PPIL3: variants seen among roughly 807,000 people sequenced by gnomAD.
PPIL3 encodes peptidyl-prolyl cis-trans isomerase-like 3.
PPIL3 carries 13 observed loss-of-function variants against 20.9 expected under a neutral mutation model. The observed-to-expected ratio is 0.62, with a 90% CI of 0.40 to 0.99. The LOEUF (loss-of-function observed/expected upper bound fraction) is 0.99, where lower values mean the gene tolerates loss of function less well. Among genes scored for constraint, PPIL3 ranks in the 50% least tolerant of loss-of-function variants. The pLI is 0.00. For synonymous variants in PPIL3, 71 were observed against 64.4 expected, an observed-to-expected ratio of 1.10 and a Z score of -0.49; for missense variants, 170 against 195.2, an observed-to-expected ratio of 0.87 and a Z score of 0.77.
rs1305978066 is a variant in PPIL3 at position 200,870,945 on chromosome 2, C to T, written c.*450G>A. ...GAAGTTCATTTACGTTTCATATATA[C>T]CTTATACACATAGCCTGAAGGTAAT... is the stretch of plus-strand genomic sequence containing the variant. On this transcript the variant is annotated 3_prime_UTR_variant, in exon 7 of 7. Coordinates refer to ENST00000392283, the MANE Select transcript of PPIL3 (RefSeq NM_130906.3). 6.5e-6 allele frequency: 1 copy of T among 154,462 alleles called. No homozygotes were observed. Among genetic ancestry groups the T allele is most frequent in the Non-Finnish European group, 1.4e-5 (1 of 69,576 alleles). The allele number at this position is 154,462 out of a possible 1,614,324, so 9.6% of individuals were successfully genotyped here.
chr2:200,885,320 G>A (rs1007057028), intron 3 of PPIL3: 8 of 353,272 alleles, frequency 2.3e-5, no homozygotes, highest in South Asian at 1.5e-4. Flanking sequence ...GCAGTGAGCC[G>A]AGATCGCGCC....
intron 4 of PPIL3, 83 bp from the exon 5 acceptor site, chr2:200,881,571 T>C: frequency 8.4e-7 from 1 of 1,197,142 alleles, no homozygotes; most frequent in South Asian, 1.3e-5. Context: ...AGGAATACTT[T>C]ATAGTTTGAC....
chr2:200,887,816 G>A (rs551502210), intron 1 of PPIL3, 131 bp from the exon 2 acceptor site: 2 of 389,332 alleles, frequency 5.1e-6, no homozygotes, highest in Non-Finnish European at 9.2e-6. Context: ...TAACACTTTG[G>A]GAGGCCGAGG....
intron 6 of PPIL3, among the ~76,000 whole-genome samples, chr2:200,876,245 G>C (rs1466504731): frequency 1.3e-5 from 2 of 151,526 alleles, no homozygotes; most frequent in Non-Finnish European, 1.5e-5. Flanking sequence ...AGGAGGTTGA[G>C]GCTGCAATGA....
At chr2:200,882,706 G>A (rs1447968892) in intron 3 of PPIL3, among the ~76,000 whole-genome samples, 1 of 151,836 alleles carries the variant, frequency 6.6e-6, no homozygotes, top group Non-Finnish European at 1.5e-5. Context: ...TCAGAAGATC[G>A]AGACCATCCT....
At chr2:200,886,261 C>G (rs751392167) in intron 2 of PPIL3, among the ~76,000 whole-genome samples, 9 of 152,056 alleles carry the variant, frequency 5.9e-5, no homozygotes, top group Non-Finnish European at 8.8e-5. Context: ...AAAAATATAA[C>G]AAGTGTCAGT....
intron 6 of PPIL3, among the ~76,000 whole-genome samples, chr2:200,876,168 C>A (rs1322240705): frequency 6.8e-6 from 1 of 147,176 alleles, no homozygotes; most frequent in Non-Finnish European, 1.5e-5. Flanking sequence ...AAAGTAGCTG[C>A]GCATGATGGT....
intron 5 of PPIL3, among the ~76,000 whole-genome samples, chr2:200,878,725 T>G (rs139592397): frequency 2.0e-5 from 3 of 152,138 alleles, no homozygotes; most frequent in Admixed American, 6.5e-5. Context: ...AAACAACACA[T>G]TCTTTCCTTT....
chr2:200,871,462 G>A lies in PPIL3; in HGVS notation c.419C>T (p.Thr140Ile). ...ELEKLPVNEK[T>I]YRPLNDVHIK... ...GTGTACATCATTAAGAGGTCGGTAT[G>A]TCTTCTCATTTACTGGCAACTTCTC... is the stretch of plus-strand genomic sequence containing the variant. The change falls in exon 7 of 7, where the codon ACA becomes ATA. Residue 140 changes from threonine (T) to isoleucine (I), a missense_variant. Physicochemically the swap from Thr to Ile is moderately conservative, Grantham distance 89 (BLOSUM62 -1). Transcript: ENST00000392283. 1.2e-6 allele frequency: 2 copies of A among 1,610,614 alleles called. No individual in the cohort carries two copies. Among genetic ancestry groups the A allele is most frequent in the Non-Finnish European group, 1.7e-6 (2 of 1,176,922 alleles).
At chr2:200,871,759 AC>A (rs1242465281) in intron 6 of PPIL3, among the ~76,000 whole-genome samples, 1 of 152,186 alleles carries the variant, frequency 6.6e-6, no homozygotes, top group African/African-American at 2.4e-5. Context: ...CCACCATAGT[AC>A]CTAAAATTAT....
chr2:200,871,461 T>C lies in PPIL3; in HGVS notation c.420A>G (p.Thr140=), dbSNP rs754823212. Residue 140 remains threonine, a synonymous_variant, in exon 7 of 7, where the codon ACA becomes ACG. Coordinates refer to ENST00000392283, the MANE Select transcript of PPIL3 (RefSeq NM_130906.3). ...ELEKLPVNEK[T]YRPLNDVHIK... is the part of the protein sequence containing the mutation. ...TGTGTACATCATTAAGAGGTCGGTA[T>C]GTCTTCTCATTTACTGGCAACTTCT... 1.2e-6 allele frequency: 2 copies of C among 1,610,752 alleles called. No homozygotes were observed. Among genetic ancestry groups the C allele is most frequent in the Non-Finnish European group, 1.7e-6 (2 of 1,176,996 alleles).
intron 6 of PPIL3, among the ~76,000 whole-genome samples, chr2:200,874,724 C>A (rs993443622): frequency 6.6e-6 from 1 of 152,136 alleles, no homozygotes; most frequent in African/African-American, 2.4e-5. Flanking sequence ...TGTAATATTT[C>A]TTTTCTCCTT....
chr2:200,876,921 T>A lies in PPIL3; in HGVS notation c.357A>T (p.Gly119=). 1 of 1,589,566 alleles carries A rather than the reference T, an allele frequency of 6.3e-7. No individual in the cohort carries two copies. The highest frequency in any genetic ancestry group is 8.6e-7 in the Non-Finnish European group (1 of 1,157,796). ...AAAACCATAACCAGAATACTCACTTTCCAAATACGGTGTATTTCATGTCCA... is the reference window on the plus strand; with the variant it reads ...AAAACCATAACCAGAATACTCACTTACCAAATACGGTGTATTTCATGTCCA... ...PHLDMKYTVF[G]KVIDGLETLD... is the part of the protein sequence containing the mutation. Residue 119 remains glycine (G), a splice_region_variant and synonymous_variant, in exon 6 of 7, where the codon GGA becomes GGT. Coordinates refer to ENST00000392283, the MANE Select transcript of PPIL3 (RefSeq NM_130906.3).
Position 200,885,716 on chromosome 2 carries a change from C to T in PPIL3, c.60G>A (p.Arg20=). The change falls in exon 3 of 7, where the codon AGG becomes AGA. Residue 20 remains arginine (R), a synonymous_variant. Coordinates refer to ENST00000392283, the MANE Select transcript of PPIL3 (RefSeq NM_130906.3). ...GDIKIEVFCE[R]TPKTCENFLA... is the part of the protein sequence containing the mutation. Reference sequence around the variant, plus strand: ...TACTTACCTCACATGTTTTGGGTGTCCTCTCACAGAAGACTTCAATTTTAA... The same window carrying T: ...TACTTACCTCACATGTTTTGGGTGTTCTCTCACAGAAGACTTCAATTTTAA... 2 of 1,580,700 alleles carry T rather than the reference C, an allele frequency of 1.3e-6. No homozygotes were observed. Among genetic ancestry groups the T allele is most frequent in the South Asian group, 2.2e-5 (2 of 89,722 alleles).
At chr2:200,887,261 G>A (rs1406785404) in intron 2 of PPIL3, among the ~76,000 whole-genome samples, 4 of 150,986 alleles carry the variant, frequency 2.6e-5, no homozygotes, top group East Asian at 3.9e-4. Context: ...TGGCAGGCGC[G>A]TGTAATCTCA....
intron 2 of PPIL3, among the ~76,000 whole-genome samples, chr2:200,886,521 G>A (rs941134221): frequency 8.6e-5 from 13 of 151,482 alleles, no homozygotes; most frequent in Non-Finnish European, 1.5e-5. Flanking sequence ...CACCTCCTGC[G>A]TTCAAGCAAT....
At chr2:200,887,139 CTT>C (rs1317480918) in intron 2 of PPIL3, among the ~76,000 whole-genome samples, 1 of 152,116 alleles carries the variant, frequency 6.6e-6, no homozygotes, top group Non-Finnish European at 1.5e-5. Flanking sequence ...AATTCCAACA[CTT>C]TGGGAGGTCA....
intron 6 of PPIL3, among the ~76,000 whole-genome samples, chr2:200,874,902 A>AT (rs897629654): frequency 1.3e-5 from 2 of 151,984 alleles, no homozygotes; most frequent in Non-Finnish European, 2.9e-5. Context: ...TAATTTTTAA[A>AT]TTTTTTTGTA....
In PPIL3 at chr2:200,882,890, C is replaced by T. The variant is rs192108843; in HGVS notation, c.79-455G>A. Among the ~76,000 whole-genome samples, 23 of 147,078 alleles carry T rather than the reference C, an allele frequency of 1.6e-4. No individual in the cohort carries two copies. The East Asian group carries it at 4.1e-3, about 26-fold the overall frequency. ...ACTCCAGCCCGGGCGACAGAGACTC[C>T]GTCTCAAAAAAAAAAAAAAACAACC... is the stretch of plus-strand genomic sequence containing the variant. On this transcript the variant is annotated intron_variant, in intron 3 of 6. Transcript: ENST00000392283.
Sources: gnomAD v4.1 joint callset for allele counts (sites outside exome capture counted in the v4.1 genomes callset) on GRCh38, gnomAD v4.1.1 for gene constraint, MANE v1.5 for transcripts, NCBI Gene and HGNC (gene_info 2026-07-23, HGNC 2026-07-21) for gene names.